Variants in TMCC1 observed in about 807,000 individuals in gnomAD.
TMCC1 encodes transmembrane and coiled-coil domain family 1.
A neutral mutation model predicts 52.4 loss-of-function variants in TMCC1; 15 were observed. The ratio of observed to expected loss-of-function variants is 0.29; its 90% confidence interval spans 0.19 to 0.44. The LOEUF is 0.44. Ranked by LOEUF, TMCC1 falls within the 20% of genes least tolerant of loss-of-function variation. TMCC1 has a pLI of 1.00. For synonymous variants in TMCC1, 279 were observed against 301.9 expected, an observed-to-expected ratio of 0.92 and a Z score of 0.79; for missense variants, 503 against 806.0, an observed-to-expected ratio of 0.62 and a Z score of 4.55.
At chr3:129,838,138 T>C (rs1042441352) in intron 2 of TMCC1, among the ~76,000 whole-genome samples, 4 of 152,058 alleles carry the variant, frequency 2.6e-5, no homozygotes, top group African/African-American at 9.6e-5. Flanking sequence ...AGGCTGGGCA[T>C]GGTGCCTCAT....
intron 4 of TMCC1, among the ~76,000 whole-genome samples, chr3:129,715,345 TCAG>T (rs1396194253): frequency 6.6e-6 from 1 of 152,126 alleles, no homozygotes. Context: ...AATCATGAGG[TCAG>T]GTGTTCACGA....
intron 4 of TMCC1, among the ~76,000 whole-genome samples, chr3:129,805,103 C>T (rs1184616065): frequency 1.3e-5 from 2 of 152,138 alleles, no homozygotes; most frequent in African/African-American, 4.8e-5. Flanking sequence ...AGGTTTCCTT[C>T]ACCATATTAA....
At chr3:129,667,068 A>ACT (rs1369692158) in intron 5 of TMCC1, among the ~76,000 whole-genome samples, 1 of 150,398 alleles carries the variant, frequency 6.6e-6, no homozygotes, top group Non-Finnish European at 1.5e-5. Flanking sequence ...TGCCTGGCTA[A>ACT]TTTTTTTTGT....
At chr3:129,888,864 A>G (rs935981099) in intron 1 of TMCC1, among the ~76,000 whole-genome samples, 2 of 152,188 alleles carry the variant, frequency 1.3e-5, no homozygotes, top group African/African-American at 4.8e-5. Context: ...TACATCCCTA[A>G]TATGTGATGA....
At position 129,867,636 on chromosome 3, in the gene TMCC1, A is replaced by G. The variant is rs540036781; in HGVS notation, c.-184+12673T>C. ...AATCTAATGTAACTCTACCAGAGTA[A>G]AGAAAGAACATATAGCCAAGCAAAT... On this transcript the variant is annotated intron_variant, in intron 2 of 6. Coordinates refer to ENST00000393238, the MANE Select transcript of TMCC1 (RefSeq NM_001017395.5). Among the ~76,000 whole-genome samples, 10 of 152,350 alleles carry G rather than the reference A, an allele frequency of 6.6e-5. No homozygotes were observed. The East Asian group carries it at 1.9e-3, about 29-fold the overall frequency.
intron 4 of TMCC1, among the ~76,000 whole-genome samples, chr3:129,739,675 C>A (rs182376107): frequency 9.9e-4 from 150 of 152,238 alleles, no homozygotes; most frequent in African/African-American, 3.4e-3. Context: ...CCATTTTTGT[C>A]ACAAGTTGGT....
chr3:129,751,295 T>G (rs2052493547), intron 4 of TMCC1, among the ~76,000 whole-genome samples: 1 of 152,076 alleles, frequency 6.6e-6, no homozygotes. Context: ...TTTGAGTGGC[T>G]GAGGCAGGAG....
chr3:129,662,038 G>C (rs2087072390), intron 5 of TMCC1, among the ~76,000 whole-genome samples: 1 of 151,954 alleles, frequency 6.6e-6, no homozygotes, highest in Non-Finnish European at 1.5e-5. Flanking sequence ...CAGTAGGGGA[G>C]AAAAAGGGAA....
intron 5 of TMCC1, among the ~76,000 whole-genome samples, chr3:129,666,127 C>T (rs2087431737): frequency 6.6e-6 from 1 of 152,164 alleles, no homozygotes; most frequent in South Asian, 2.1e-4. Context: ...CTACTTTCTT[C>T]CTACACAAAA....
intron 4 of TMCC1, among the ~76,000 whole-genome samples, chr3:129,703,387 T>C (rs2047985807): frequency 1.3e-5 from 2 of 152,186 alleles, no homozygotes; most frequent in South Asian, 4.1e-4. Context: ...AAAATACAAC[T>C]ACAACTACAG....
intron 4 of TMCC1, among the ~76,000 whole-genome samples, chr3:129,789,605 C>A (rs950713217): frequency 6.6e-6 from 1 of 152,158 alleles, no homozygotes; most frequent in Admixed American, 6.5e-5. Context: ...CTCAGCCTCC[C>A]AAGTAGCTTG....
rs138036051 is a variant in TMCC1, at chr3:129,818,099, C to T, written c.576+9704G>A. ...TGCTGGGATTACAGTCGTGAGCCACCGTGCCAGGCCTTTTTTGTATTGTTA... is the reference window on the plus strand; with the variant it reads ...TGCTGGGATTACAGTCGTGAGCCACTGTGCCAGGCCTTTTTTGTATTGTTA... On this transcript the variant is annotated intron_variant, in intron 4 of 6. Coordinates refer to ENST00000393238, the MANE Select transcript of TMCC1 (RefSeq NM_001017395.5). Among the ~76,000 whole-genome samples, 68 of 151,906 alleles carry T rather than the reference C, an allele frequency of 4.5e-4. 3 individuals carry two copies. In the East Asian group the frequency reaches 0.012, roughly 28 times the overall value.
intron 4 of TMCC1, among the ~76,000 whole-genome samples, chr3:129,827,541 G>C (rs767976323): frequency 6.6e-6 from 1 of 151,926 alleles, no homozygotes; most frequent in African/African-American, 2.4e-5. Context: ...TATACAGAAA[G>C]AATACATGAA....
At chr3:129,741,759 C>T (rs1306055825) in intron 4 of TMCC1, among the ~76,000 whole-genome samples, 1 of 152,098 alleles carries the variant, frequency 6.6e-6, no homozygotes, top group Non-Finnish European at 1.5e-5. Context: ...ACTGAAGATT[C>T]CACAACTTAT....
intron 2 of TMCC1, among the ~76,000 whole-genome samples, chr3:129,841,634 CAAAG>C (rs2059427728): frequency 6.6e-6 from 1 of 152,052 alleles, no homozygotes. Flanking sequence ...TATGTGTTCA[CAAAG>C]AGATAGTCTG....
chr3:129,797,442 G>A (rs778334081), intron 4 of TMCC1, among the ~76,000 whole-genome samples: 1 of 151,926 alleles, frequency 6.6e-6, no homozygotes, highest in Non-Finnish European at 1.5e-5. Context: ...TAACCAAAAT[G>A]TATATATAAA....
chr3:129,651,303 A>C lies in TMCC1; in HGVS notation c.*178T>G. 1 of 722,542 alleles carries C rather than the reference A, an allele frequency of 1.4e-6. No homozygotes were observed. The highest frequency in any genetic ancestry group is 2.1e-6 in the Non-Finnish European group (1 of 467,030). The allele number at this position is 722,542 out of a possible 1,614,324, so 44.8% of individuals were successfully genotyped here. A position where few individuals can be genotyped will look rare whatever the true frequency, so the allele number is the denominator to read the frequency against. ...TTCGCCCAAAAAACTTCTTGGATAAAATCTAAAAAATACTATTGCAATTGC... is the reference window on the plus strand; with the variant it reads ...TTCGCCCAAAAAACTTCTTGGATAACATCTAAAAAATACTATTGCAATTGC... On this transcript the variant is annotated 3_prime_UTR_variant, in exon 7 of 7. Transcript: ENST00000393238. This position sits in a 1 kb window ranked among gnomAD's most constrained non-coding sequence, Gnocchi z 5.1.
intron 5 of TMCC1, among the ~76,000 whole-genome samples, chr3:129,662,587 G>A (rs138264649): frequency 6.6e-6 from 1 of 152,182 alleles, no homozygotes; most frequent in East Asian, 1.9e-4. Context: ...TCAGTGAGCC[G>A]AGACTGTACC....
chr3:129,653,204 TC>T (rs2086452223), intron 6 of TMCC1, among the ~76,000 whole-genome samples: 1 of 152,222 alleles, frequency 6.6e-6, no homozygotes, highest in South Asian at 2.1e-4. Flanking sequence ...TGCAGCTAGT[TC>T]CCCCTTGGGG....
Sources: gnomAD v4.1 joint callset for allele counts (sites outside exome capture counted in the v4.1 genomes callset) on GRCh38, gnomAD v4.1.1 for gene constraint, Gnocchi (gnomAD v3.1) non-coding constraint, MANE v1.5 for transcripts, NCBI Gene and HGNC (gene_info 2026-07-23, HGNC 2026-07-21) for gene names.